Variants in NCF4 observed in about 807,000 individuals in gnomAD.
The protein encoded by NCF4 is neutrophil cytosol factor 4.
NCF4 carries 30 observed loss-of-function variants against 41.7 expected under a neutral mutation model. That is an observed-to-expected ratio of 0.72 (90% confidence interval 0.54 to 0.97). NCF4 has a LOEUF of 0.97. NCF4 is among the 50% of genes least tolerant of loss of function. The pLI is 0.00. For missense variants in NCF4, 432 were observed against 460.9 expected (o/e 0.94, Z 0.57); for synonymous variants, 195 against 175.8 (o/e 1.11, Z -0.87).
chr22:36,863,977 C>T (rs1051553137), intron 1 of NCF4, 68 bp from the exon 2 acceptor site: 2 of 1,441,284 alleles, frequency 1.4e-6, no homozygotes, highest in African/African-American at 2.8e-5. Context: ...CACTCTACCT[C>T]ATACCCGGTG....
rs569148216 is a variant in NCF4, at chr22:36,874,964, G to A, written c.628-689G>A. ...CTGGATAGGTCATTGTTCACAGCGC[G>A]CACAGCGTGTCATTCCCCATCATAC... On this transcript the variant is annotated intron_variant, in intron 7 of 9. Coordinates refer to ENST00000248899, the MANE Select transcript of NCF4 (RefSeq NM_000631.5). Among the ~76,000 whole-genome samples the A allele has an allele frequency of 4.3e-4, 65 of 152,244 alleles. 1 individual carries two copies. Among genetic ancestry groups the A allele is most frequent in the African/African-American group, 1.5e-3 (63 of 41,526 alleles).
chr22:36,868,289 T>C (rs1939974882), intron 4 of NCF4, among the ~76,000 whole-genome samples: 1 of 152,242 alleles, frequency 6.6e-6, no homozygotes, highest in Non-Finnish European at 1.5e-5. Context: ...ACTCTGACAC[T>C]GACTGGCTGG....
intron 3 of NCF4, among the ~76,000 whole-genome samples, chr22:36,866,101 T>A (rs780388163): frequency 6.6e-6 from 1 of 152,160 alleles, no homozygotes; most frequent in Admixed American, 6.5e-5. Flanking sequence ...TCCTGAGCCA[T>A]GAAACAGCAT....
chr22:36,871,655 G>A lies in NCF4; in HGVS notation c.474G>A (p.Lys158=). ...AGCCCCTCTTCTCTCTCCACAGCAAGAGCGTGTCCCCACAGGGCAACAGCG... is the reference window on the plus strand; with the variant it reads ...AGCCCCTCTTCTCTCTCCACAGCAAAAGCGTGTCCCCACAGGGCAACAGCG... ...RRLRPRTRKV[K]SVSPQGNSVD... The change falls in exon 6 of 10, where the codon AAG becomes AAA. Residue 158 remains lysine (K), a synonymous_variant. Coordinates refer to ENST00000248899, the MANE Select transcript of NCF4 (RefSeq NM_000631.5). 2 of 1,568,868 alleles carry A rather than the reference G, an allele frequency of 1.3e-6. No homozygotes were observed. Among genetic ancestry groups the A allele is most frequent in the South Asian group, 1.2e-5 (1 of 85,394 alleles).
intron 4 of NCF4, among the ~76,000 whole-genome samples, chr22:36,868,337 G>C (rs1326772830): frequency 6.6e-6 from 1 of 152,248 alleles, no homozygotes; most frequent in Non-Finnish European, 1.5e-5. Context: ...TCTAGGCCTT[G>C]GTTTTCACAC....
intron 3 of NCF4, among the ~76,000 whole-genome samples, chr22:36,866,436 T>C (rs1939928253): frequency 6.6e-6 from 1 of 152,192 alleles, no homozygotes; most frequent in Admixed American, 6.5e-5. Flanking sequence ...AGCTTCTCTG[T>C]TACAGAATCA....
In NCF4 at chr22:36,875,807, C is replaced by T. The variant is rs749287293; in HGVS notation, c.758+24C>T. The stretch of plus-strand genomic sequence containing the variant: ...AAGTCTGTGGCCTGGGAGGGAGGGG[C>T]CTGTCCAGCCTTCCTGCCATCCCTA... On this transcript the variant is annotated intron_variant, in intron 8 of 9. Coordinates refer to ENST00000248899, the MANE Select transcript of NCF4 (RefSeq NM_000631.5). 7.4e-6 allele frequency: 12 copies of T among 1,614,022 alleles called. No homozygotes were observed. The highest frequency in any genetic ancestry group is 1.7e-5 in the Admixed American group (1 of 59,974).
intron 5 of NCF4, 115 bp from the exon 6 acceptor site, chr22:36,871,537 C>A (rs2145718474): frequency 2.5e-6 from 3 of 1,196,054 alleles, no homozygotes; most frequent in East Asian, 2.6e-5. Context: ...ATTTCAGCAT[C>A]TTCTGTCTCC....
At chr22:36,867,145 G>GCA (rs1939947340) in intron 3 of NCF4, among the ~76,000 whole-genome samples, 2 of 151,842 alleles carry the variant, frequency 1.3e-5, no homozygotes, top group Non-Finnish European at 2.9e-5. Flanking sequence ...GTGTGTGTGC[G>GCA]CTTGGATGAA....
chr22:36,872,041 T>C (rs1206016657), intron 6 of NCF4: 1 of 672,208 alleles, frequency 1.5e-6, no homozygotes, highest in African/African-American at 1.8e-5. Flanking sequence ...CAGCCCACGA[T>C]GAAGCCTGGG....
At chr22:36,872,869 AGTAAGGTTGGAG>A (rs1278469565) in intron 7 of NCF4, among the ~76,000 whole-genome samples, 11 of 72,578 alleles carry the variant, frequency 1.5e-4, no homozygotes, top group Non-Finnish European at 2.5e-4. Flanking sequence ...TGAGACTGGC[AGTAAGGTTGGAG>A]GTGAGGATGG....
At chr22:36,877,499 A>G (rs1601557666) in intron 9 of NCF4, 129 bp from the exon 10 acceptor site, 5 of 925,032 alleles carry the variant, frequency 5.4e-6, no homozygotes, top group Admixed American at 1.9e-5. Flanking sequence ...TACTTGGATG[A>G]CACGGGCTTG....
At chr22:36,874,113 G>A (rs1241179965) in intron 7 of NCF4, among the ~76,000 whole-genome samples, 1 of 152,204 alleles carries the variant, frequency 6.6e-6, no homozygotes, top group Non-Finnish European at 1.5e-5. Flanking sequence ...TGGGTGTGCG[G>A]CGCCTGGCCA....
intron 6 of NCF4, among the ~76,000 whole-genome samples, chr22:36,871,934 C>A (rs1406560632): frequency 1.3e-5 from 2 of 152,262 alleles, no homozygotes; most frequent in African/African-American, 2.4e-5. Flanking sequence ...GAGGAGAATG[C>A]TTCCATCCCT....
chr22:36,869,598 C>T (rs996245054), intron 4 of NCF4, among the ~76,000 whole-genome samples: 1 of 152,036 alleles, frequency 6.6e-6, no homozygotes, highest in Non-Finnish European at 1.5e-5. Flanking sequence ...GGAGCCTCAG[C>T]ACCCAAAGCC....
chr22:36,863,439 T>G (rs528888381), intron 1 of NCF4, among the ~76,000 whole-genome samples: 5 of 150,970 alleles, frequency 3.3e-5, no homozygotes, highest in African/African-American at 1.2e-4. Flanking sequence ...TCTGTCCTGC[T>G]TGACTCCTTC....
intron 4 of NCF4, among the ~76,000 whole-genome samples, chr22:36,868,672 G>A (rs929414174): frequency 1.2e-4 from 19 of 152,188 alleles, no homozygotes; most frequent in Admixed American, 1.0e-3. Flanking sequence ...AGGGAGGGAG[G>A]GAGGGAAGGA....
chr22:36,872,518 G>A (rs1359635569), intron 7 of NCF4, 93 bp downstream of exon 7: 7 of 1,042,502 alleles, frequency 6.7e-6, no homozygotes, highest in Non-Finnish European at 1.0e-5. Flanking sequence ...AGTGCAATTG[G>A]AGGTGAGGAT....
Position 36,874,897 on chromosome 22 carries a change from C to T in NCF4, c.628-756C>T, listed in dbSNP as rs571249545. Among the ~76,000 whole-genome samples, 4 of 152,316 alleles carry T rather than the reference C, an allele frequency of 2.6e-5. No individual in the cohort carries two copies. In the South Asian group the frequency reaches 6.2e-4, roughly 24 times the overall value. On this transcript the variant is annotated intron_variant, in intron 7 of 9. Transcript: ENST00000248899. ...CCTCACCCCTCATCCTCTTCCTCCC[C>T]TGTTCTATTTTCCTCTGTAACACCT... is the stretch of plus-strand genomic sequence containing the variant.
Sources: allele counts gnomAD v4.1 joint callset (sites outside exome capture counted in the v4.1 genomes callset), GRCh38; gene constraint gnomAD v4.1.1; transcripts MANE v1.5; gene names NCBI Gene and HGNC (gene_info 2026-07-23, HGNC 2026-07-21).